Variants in HDGF observed in about 807,000 individuals in gnomAD.
The protein encoded by HDGF is heparin binding growth factor.
Under a neutral mutation model 30.0 loss-of-function variants are expected in HDGF, and 5 were observed. The observed-to-expected ratio is 0.17, with a 90% CI of 0.09 to 0.35. The LOEUF (loss-of-function observed/expected upper bound fraction) is 0.35, where lower values mean the gene tolerates loss of function less well. Ranked by LOEUF, HDGF falls within the 10% of genes least tolerant of loss-of-function variation. The pLI is 1.00. For synonymous variants in HDGF, 133 were observed against 112.7 expected, an observed-to-expected ratio of 1.18 and a Z score of -1.14; for missense variants, 214 against 302.8, an observed-to-expected ratio of 0.71 and a Z score of 2.18.
upstream of HDGF, among the ~76,000 whole-genome samples, chr1:156,757,203 C>T (rs1419608730): frequency 6.6e-6 from 1 of 152,044 alleles, no homozygotes; most frequent in African/African-American, 2.4e-5. Flanking sequence ...TGGTGGCTCA[C>T]GCCTGTAATC....
At chr1:156,756,121 G>A (rs1160079060), upstream of HDGF, among the ~76,000 whole-genome samples, 2 of 152,066 alleles carry the variant, frequency 1.3e-5, no homozygotes, top group Non-Finnish European at 2.9e-5. Flanking sequence ...GTGTGGTGGC[G>A]GGCCCCTGTA....
At chr1:156,758,777 T>TCAA (rs756499117) in intron 2 of HDGF, among the ~76,000 whole-genome samples, 1 of 151,884 alleles carries the variant, frequency 6.6e-6, no homozygotes, top group Admixed American at 6.6e-5. Flanking sequence ...GACTCCCATC[T>TCAA]CAACAACAAC....
chr1:156,765,472 CTTT>C (rs71080793), intron 1 of HDGF, among the ~76,000 whole-genome samples: 7 of 85,976 alleles, frequency 8.1e-5, no homozygotes, highest in African/African-American at 1.4e-4. Context: ...TTCTTTCTTT[CTTT>C]TTTTTTTTTT....
intron 1 of HDGF, among the ~76,000 whole-genome samples, chr1:156,763,711 G>A (rs907962308): frequency 6.8e-6 from 1 of 147,428 alleles, no homozygotes; most frequent in South Asian, 2.2e-4. Flanking sequence ...TTAGCCTCCC[G>A]AGTAGCTGGG....
At chr1:156,758,568 G>C (rs1213590588) in intron 2 of HDGF, among the ~76,000 whole-genome samples, 1 of 145,784 alleles carries the variant, frequency 6.9e-6, no homozygotes, top group Non-Finnish European at 1.5e-5. Context: ...ACTCCAGCCT[G>C]GGTGACAGAG....
upstream of HDGF, among the ~76,000 whole-genome samples, chr1:156,757,079 C>T (rs1651165694): frequency 6.6e-6 from 1 of 152,040 alleles, no homozygotes; most frequent in Admixed American, 6.5e-5. Flanking sequence ...AGGCATGAGC[C>T]ACCGTGCCCA....
At chr1:156,765,624 G>A (rs911145180) in intron 1 of HDGF, among the ~76,000 whole-genome samples, 5 of 150,790 alleles carry the variant, frequency 3.3e-5, no homozygotes, top group Admixed American at 1.3e-4. Flanking sequence ...ACAGGCGCCC[G>A]CCACCACACC....
upstream of HDGF, chr1:156,755,418 G>A (rs550859500): frequency 6.6e-6 from 1 of 152,350 alleles, no homozygotes; most frequent in East Asian, 1.9e-4. Flanking sequence ...CATGTCAAGG[G>A]ACTTGGGTTT....
upstream of HDGF, among the ~76,000 whole-genome samples, chr1:156,754,162 C>T (rs1424187638): frequency 6.6e-6 from 1 of 152,030 alleles, no homozygotes; most frequent in Non-Finnish European, 1.5e-5. Context: ...CATCCACCTG[C>T]CTTGGCCTCC....
chr1:156,755,367 A>G (rs1004913625), upstream of HDGF, among the ~76,000 whole-genome samples: 2 of 152,164 alleles, frequency 1.3e-5, no homozygotes, highest in Non-Finnish European at 2.9e-5. Context: ...AGTTTACAGT[A>G]ATGGGGGAAG....
chr1:156,746,012 G>A (rs1295440721), intron 1 of HDGF, among the ~76,000 whole-genome samples: 4 of 152,194 alleles, frequency 2.6e-5, no homozygotes, highest in Non-Finnish European at 5.9e-5. Flanking sequence ...CCAGTACACT[G>A]TCTTTTCTGC....
chr1:156,751,239 C>G lies in HDGF; in HGVS notation c.87+104G>C. On this transcript the variant is annotated intron_variant, in intron 1 of 5. Coordinates refer to ENST00000357325, the MANE Select transcript of HDGF (RefSeq NM_004494.3). The surrounding 1 kb of genome is among the most constrained non-coding windows in gnomAD (Gnocchi z 4.7). ...AAAGAGCCGGAGACCTACAAGCCCC[C>G]TGCCCCCACCTCTGCCCGCTCCGCG... is the stretch of plus-strand genomic sequence containing the variant. 1 of 1,363,052 alleles carries G rather than the reference C, an allele frequency of 7.3e-7. No individual in the cohort carries two copies. 84.4% of individuals were successfully genotyped at this position (1,363,052 alleles called of 1,614,324 possible).
chr1:156,744,101 C>T, intron 4 of HDGF, 62 bp downstream of exon 4: 1 of 1,553,094 alleles, frequency 6.4e-7, no homozygotes, highest in Middle Eastern at 1.7e-4. Context: ...AAGCCCTGCT[C>T]CTGTGGGATA....
chr1:156,753,107 G>T (rs1558038131), upstream of HDGF, among the ~76,000 whole-genome samples: 1 of 152,286 alleles, frequency 6.6e-6, no homozygotes, highest in South Asian at 2.1e-4. Flanking sequence ...TGTCACTAGG[G>T]GATGCCTGCA....
chr1:156,758,408 G>A (rs918828780), intron 2 of HDGF, among the ~76,000 whole-genome samples: 18 of 151,874 alleles, frequency 1.2e-4, no homozygotes, highest in Admixed American at 7.2e-4. Flanking sequence ...TGGCTAACAC[G>A]GTGAAACTCC....
chr1:156,743,933 CA>C, intron 4 of HDGF, 55 bp from the exon 5 acceptor site: 1 of 1,334,656 alleles, frequency 7.5e-7, no homozygotes, highest in Non-Finnish European at 1.1e-6. Context: ...GGCCACCAGC[CA>C]CCCACTCCTC....
chr1:156,764,539 T>G (rs1359705077), intron 1 of HDGF, among the ~76,000 whole-genome samples: 3 of 152,232 alleles, frequency 2.0e-5, no homozygotes, highest in Non-Finnish European at 4.4e-5. Flanking sequence ...GGGTACATAA[T>G]GAGAAATAAA....
chr1:156,744,812 T>C (rs1247283532), intron 3 of HDGF, among the ~76,000 whole-genome samples, 196 bp downstream of exon 3: 1 of 152,104 alleles, frequency 6.6e-6, no homozygotes, highest in Non-Finnish European at 1.5e-5. Flanking sequence ...CTCACAGTTG[T>C]CCCTAACCAC....
intron 1 of HDGF, among the ~76,000 whole-genome samples, chr1:156,746,537 C>T (rs1169516798): frequency 6.6e-6 from 1 of 152,238 alleles, no homozygotes; most frequent in Admixed American, 6.5e-5. Context: ...AGGGCCAGGT[C>T]TCAGGTCACC....
Sources: gnomAD v4.1 joint callset for allele counts (sites outside exome capture counted in the v4.1 genomes callset) on GRCh38, gnomAD v4.1.1 for gene constraint, Gnocchi (gnomAD v3.1) non-coding constraint, MANE v1.5 for transcripts, NCBI Gene and HGNC (gene_info 2026-07-23, HGNC 2026-07-21) for gene names.